The following FAM3B variants were observed in gnomAD, a reference collection of about 807,000 sequenced individuals.
FAM3B encodes the protein FAM3 metabolism regulating signaling molecule B.
Under a neutral mutation model 28.4 loss-of-function variants are expected in FAM3B, and 29 were observed. That is an observed-to-expected ratio of 1.02 (90% confidence interval 0.76 to 1.39). The LOEUF (loss-of-function observed/expected upper bound fraction) is 1.39, where lower values mean the gene tolerates loss of function less well. FAM3B is among the 40% of genes most tolerant of loss of function. FAM3B has a pLI of 0.00. For missense variants in FAM3B, 266 were observed against 293.9 expected (o/e 0.91, Z 0.69); for synonymous variants, 91 against 103.0 (o/e 0.88, Z 0.71).
At chr21:41,354,321 A>G (rs1442016780) in intron 7 of FAM3B, among the ~76,000 whole-genome samples, 1 of 152,238 alleles carries the variant, frequency 6.6e-6, no homozygotes, top group Non-Finnish European at 1.5e-5. Context: ...TATAAGTAAA[A>G]TTTAATATTC....
At chr21:41,345,081 G>A (rs544367963) in intron 4 of FAM3B, among the ~76,000 whole-genome samples, 1 of 152,362 alleles carries the variant, frequency 6.6e-6, no homozygotes, top group East Asian at 1.9e-4. Context: ...GAGACGTGAG[G>A]GCTGTGGAAG....
At chr21:41,342,285 C>T (rs2089013635) in intron 3 of FAM3B, among the ~76,000 whole-genome samples, 2 of 152,174 alleles carry the variant, frequency 1.3e-5, no homozygotes, top group African/African-American at 4.8e-5. Flanking sequence ...GATTCCTTGT[C>T]TGGTTTTCAA....
Position 41,338,415 on chromosome 21 carries a change from T to C in FAM3B, c.201T>C (p.Thr67=). The change falls in exon 3 of 8, where the codon ACT becomes ACC. Residue 67 remains threonine (T), a synonymous_variant. Coordinates refer to ENST00000357985, the MANE Select transcript of FAM3B (RefSeq NM_058186.4). ...AAAGGCAAAAATGTGACCACTGGACTCCCTGCCCATCTGACACCTATGCCT... is the reference window on the plus strand; with the variant it reads ...AAAGGCAAAAATGTGACCACTGGACCCCCTGCCCATCTGACACCTATGCCT... ...VPKRQKCDHW[T]PCPSDTYAYR... 1 of 1,614,186 alleles carries C rather than the reference T, an allele frequency of 6.2e-7. No homozygotes were observed. The highest frequency in any genetic ancestry group is 8.5e-7 in the Non-Finnish European group (1 of 1,180,024).
chr21:41,317,830 C>A (rs1358091265), intron 1 of FAM3B, among the ~76,000 whole-genome samples: 1 of 151,892 alleles, frequency 6.6e-6, no homozygotes, highest in African/African-American at 2.4e-5. Flanking sequence ...CTTTTCTGCA[C>A]CATTCCCAAA....
At chr21:41,309,616 C>T (rs2088699125) in intron 1 of FAM3B, among the ~76,000 whole-genome samples, 1 of 152,210 alleles carries the variant, frequency 6.6e-6, no homozygotes, top group South Asian at 2.1e-4. Context: ...AGAGTGTGAA[C>T]CCACACCTTT....
intron 4 of FAM3B, 133 bp from the exon 5 acceptor site, chr21:41,345,553 G>T (rs1473613415): frequency 1.7e-6 from 1 of 574,308 alleles, no homozygotes; most frequent in Non-Finnish European, 3.1e-6. Context: ...GTCTCTGCAG[G>T]CTGGGTCATT....
chr21:41,343,733 C>A (rs1028317192), intron 3 of FAM3B, among the ~76,000 whole-genome samples: 8 of 152,198 alleles, frequency 5.3e-5, no homozygotes, highest in Non-Finnish European at 8.8e-5. Flanking sequence ...GCAATAATTA[C>A]CATCTCCAGG....
At position 41,322,985 on chromosome 21, in the gene FAM3B, C is replaced by T; in HGVS notation, c.82C>T (p.Leu28Phe). Residue 28 changes from leucine to phenylalanine, a missense_variant, in exon 2 of 8, where the codon CTC becomes TTC. Physicochemically the swap from Leu to Phe is conservative, Grantham distance 22. Transcript: ENST00000357985. ...GTGTGCCTGGTATTCGGGGTACCTG[C>T]TCGCAGAGCTCATTCCAGATGCACC... Reference protein sequence around the residue: ...SLCAWYSGYLLAELIPDAPLS... With the variant: ...SLCAWYSGYLFAELIPDAPLS... 6.2e-7 allele frequency: 1 copy of T among 1,612,112 alleles called. No homozygotes were observed.
rs1259777779 is a variant in FAM3B, at chr21:41,347,031, CAA to C, written c.418_419del (p.Lys140ValfsTer17). ...CCAATAGATAACTCTGGACCGATGACAAAGTTTATTCAGAGTGCTGCTCCAAA... is the reference window on the plus strand; with the variant it reads ...CCAATAGATAACTCTGGACCGATGACAGTTTATTCAGAGTGCTGCTCCAAA... On this transcript the variant is annotated frameshift_variant, in exon 6 of 8. Coordinates refer to ENST00000357985, the MANE Select transcript of FAM3B (RefSeq NM_058186.4). LOFTEE classifies it high-confidence loss of function. The C allele has an allele frequency of 6.2e-7, 1 of 1,613,994 alleles. No individual in the cohort carries two copies. Among genetic ancestry groups the C allele is most frequent in the Non-Finnish European group, 8.5e-7 (1 of 1,180,008 alleles).
At chr21:41,309,735 T>G (rs2088699688) in intron 1 of FAM3B, among the ~76,000 whole-genome samples, 1 of 152,230 alleles carries the variant, frequency 6.6e-6, no homozygotes, top group Non-Finnish European at 1.5e-5. Context: ...AAGACCAGTT[T>G]AAAAGCTTAG....
At position 41,335,515 on chromosome 21, in the gene FAM3B, A is replaced by G. The variant is rs1018034970; in HGVS notation, c.164-2863A>G. On this transcript the variant is annotated intron_variant, in intron 2 of 7. Coordinates refer to ENST00000357985, the MANE Select transcript of FAM3B (RefSeq NM_058186.4). ...CGCCTCCTTCCCACCCTCACTCTCT[A>G]TTGCTCCTGCTCTGGCCATGCTCCC... Among the ~76,000 whole-genome samples the G allele has an allele frequency of 3.3e-5, 5 of 151,946 alleles. No homozygotes were observed. The East Asian group carries it at 9.7e-4, about 29-fold the overall frequency.
intron 2 of FAM3B, among the ~76,000 whole-genome samples, chr21:41,327,515 C>T (rs1436997485): frequency 6.6e-6 from 1 of 152,202 alleles, no homozygotes; most frequent in African/African-American, 2.4e-5. Flanking sequence ...CTTGCATTCC[C>T]ATTTCCATTT....
chr21:41,308,869 G>A (rs1168283615), intron 1 of FAM3B, among the ~76,000 whole-genome samples: 2 of 152,144 alleles, frequency 1.3e-5, no homozygotes, highest in Non-Finnish European at 2.9e-5. Flanking sequence ...AGTAGGGTTG[G>A]GACAAGTAGG....
chr21:41,344,267 G>A lies in FAM3B; in HGVS notation c.288-209G>A, dbSNP rs73905333. Among the ~76,000 whole-genome samples the A allele has an allele frequency of 7.6e-3, 1,157 of 152,366 alleles. 14 individuals are homozygous for A. The highest frequency in any genetic ancestry group is 0.025 in the African/African-American group (1,042 of 41,586). ...GGTCCCCTGAGAGTCCAGGTCCCCT[G>A]AGGGACTGAGTCTGTAGACACTGAG... On this transcript the variant is annotated intron_variant, in intron 3 of 7. Coordinates refer to ENST00000357985, the MANE Select transcript of FAM3B (RefSeq NM_058186.4).
chr21:41,339,127 A>G (rs1037171027), intron 3 of FAM3B, among the ~76,000 whole-genome samples: 1 of 152,152 alleles, frequency 6.6e-6, no homozygotes, highest in African/African-American at 2.4e-5. Flanking sequence ...TCCATATAAG[A>G]TTGATATTAT....
At chr21:41,315,264 T>C (rs1256197309), upstream of FAM3B, among the ~76,000 whole-genome samples, 1 of 152,110 alleles carries the variant, frequency 6.6e-6, no homozygotes, top group East Asian at 1.9e-4. Context: ...AGAATGGTGG[T>C]TTCCAGGGGC....
intron 1 of FAM3B, among the ~76,000 whole-genome samples, chr21:41,305,274 C>T (rs905568208): frequency 6.6e-6 from 1 of 152,060 alleles, no homozygotes. Context: ...AGGCGATATG[C>T]CCTTGGCTTG....
At chr21:41,327,825 C>T (rs1320671665) in intron 2 of FAM3B, among the ~76,000 whole-genome samples, 1 of 152,220 alleles carries the variant, frequency 6.6e-6, no homozygotes, top group African/African-American at 2.4e-5. Flanking sequence ...TGACCACACC[C>T]TCCAGGATGC....
At chr21:41,340,926 A>T (rs1017109483) in intron 3 of FAM3B, among the ~76,000 whole-genome samples, 85 of 152,080 alleles carry the variant, frequency 5.6e-4, no homozygotes, top group Non-Finnish European at 9.9e-4. Context: ...TATATATATA[A>T]AATTAATACA....
Sources: gnomAD v4.1 joint callset for allele counts (sites outside exome capture counted in the v4.1 genomes callset) on GRCh38, gnomAD v4.1.1 for gene constraint, MANE v1.5 for transcripts, NCBI Gene and HGNC (gene_info 2026-07-23, HGNC 2026-07-21) for gene names.